TENM3: variants seen among roughly 807,000 people sequenced by gnomAD.
The protein encoded by TENM3 is teneurin-3.
In TENM3, 63 loss-of-function variants were observed where a neutral mutation model predicts 255.1. That is an observed-to-expected ratio of 0.25 (90% CI 0.20 to 0.30). TENM3 has a LOEUF of 0.30. Among genes scored for constraint, TENM3 ranks in the 10% least tolerant of loss-of-function variants. The pLI, the probability that TENM3 is intolerant of heterozygous loss-of-function variation, is 1.00. For synonymous variants in TENM3, 1,306 were observed against 1,322.3 expected (o/e 0.99, Z 0.27); for missense variants, 2,929 against 3,461.1 (o/e 0.85, Z 3.86).
the TENM3 span, among the ~76,000 whole-genome samples, chr4:182,028,304 C>T: frequency 3.3e-5 from 5 of 152,076 alleles, no homozygotes; most frequent in Admixed American, 2.6e-4. Context: ...TCTGTGAAAT[C>T]AGTTGTAATG....
intron 1 of TENM3, among the ~76,000 whole-genome samples, chr4:182,167,097 A>G (rs190041194): frequency 1.3e-5 from 2 of 152,340 alleles, no homozygotes; most frequent in African/African-American, 4.8e-5. Context: ...CTTCAAGTGC[A>G]GTATTTATGT....
At chr4:181,787,712 A>G in the TENM3 span, among the ~76,000 whole-genome samples, 1 of 152,066 alleles carries the variant, frequency 6.6e-6, no homozygotes, top group African/African-American at 2.4e-5. Flanking sequence ...CCAATTGCAA[A>G]TTAAAGACTC....
chr4:182,527,472 G>A (rs926334163), intron 3 of TENM3, among the ~76,000 whole-genome samples: 1 of 138,298 alleles, frequency 7.2e-6, no homozygotes, highest in Non-Finnish European at 1.6e-5. Flanking sequence ...TAGATTAAGG[G>A]GAACTATTAT....
At chr4:181,507,901 T>G in the TENM3 span, among the ~76,000 whole-genome samples, 1 of 152,236 alleles carries the variant, frequency 6.6e-6, no homozygotes, top group Non-Finnish European at 1.5e-5. Flanking sequence ...CTTTCATTAT[T>G]GACTCATGCC....
the TENM3 span, among the ~76,000 whole-genome samples, chr4:181,604,183 T>G: frequency 6.6e-6 from 1 of 152,008 alleles, no homozygotes; most frequent in Non-Finnish European, 1.5e-5. Flanking sequence ...GAGAATGGCG[T>G]GAACCCGGGA....
the TENM3 span, among the ~76,000 whole-genome samples, chr4:181,603,891 G>C: frequency 1.3e-5 from 2 of 152,222 alleles, no homozygotes; most frequent in African/African-American, 2.4e-5. Context: ...ATTGTGGATA[G>C]AGCTTTGAGT....
At chr4:181,964,181 A>G in the TENM3 span, among the ~76,000 whole-genome samples, 2 of 152,024 alleles carry the variant, frequency 1.3e-5, no homozygotes, top group Admixed American at 6.6e-5. Flanking sequence ...GGTTTCAGAA[A>G]TTAGAAGTAT....
chr4:182,384,519 A>G (rs1348386398), intron 3 of TENM3, among the ~76,000 whole-genome samples: 3 of 152,218 alleles, frequency 2.0e-5, no homozygotes, highest in Non-Finnish European at 2.9e-5. Flanking sequence ...AAGCTGGAAA[A>G]TAAGTGGAAT....
chr4:182,650,889 A>AAAAAATATAT (rs1281790163), intron 5 of TENM3, among the ~76,000 whole-genome samples: 4 of 29,762 alleles, frequency 1.3e-4, no homozygotes, highest in Non-Finnish European at 2.3e-4. Context: ...AATAAAAAAA[A>AAAAAATATAT]ATATATATAT....
At chr4:182,500,511 T>C (rs1170740153) in intron 3 of TENM3, among the ~76,000 whole-genome samples, 1 of 152,174 alleles carries the variant, frequency 6.6e-6, no homozygotes, top group African/African-American at 2.4e-5. Flanking sequence ...ATGCTTCTGA[T>C]GGGATTTGTT....
the TENM3 span, among the ~76,000 whole-genome samples, chr4:181,647,439 A>C: frequency 2.0e-5 from 3 of 152,232 alleles, no homozygotes; most frequent in East Asian, 5.8e-4. Flanking sequence ...TATGTAGAGT[A>C]ATATTAGACC....
chr4:182,613,115 T>G (rs1489578932), intron 4 of TENM3, among the ~76,000 whole-genome samples: 1 of 152,196 alleles, frequency 6.6e-6, no homozygotes, highest in Non-Finnish European at 1.5e-5. Flanking sequence ...CCATCAATAA[T>G]TAAATGAATT....
intron 3 of TENM3, among the ~76,000 whole-genome samples, chr4:182,596,676 A>G (rs1264146729): frequency 6.6e-5 from 10 of 152,220 alleles, no homozygotes; most frequent in Non-Finnish European, 1.5e-5. Flanking sequence ...CGAAGAGGAC[A>G]CACGAGGGAG....
the TENM3 span, among the ~76,000 whole-genome samples, chr4:181,752,777 C>T: frequency 2.0e-5 from 3 of 148,152 alleles, no homozygotes; most frequent in Non-Finnish European, 4.5e-5. Context: ...TTTTTGTTTC[C>T]GAAATAGAAA....
the TENM3 span, among the ~76,000 whole-genome samples, chr4:181,825,916 C>T: frequency 2.0e-4 from 30 of 152,138 alleles, no homozygotes; most frequent in African/African-American, 6.5e-4. Flanking sequence ...ATATCTGCAT[C>T]GTCACATTTC....
At chr4:181,685,523 T>C in the TENM3 span, among the ~76,000 whole-genome samples, 5 of 152,298 alleles carry the variant, frequency 3.3e-5, no homozygotes, top group Admixed American at 6.5e-5. Flanking sequence ...TACAATTTTA[T>C]AAGAATTTTT....
At chr4:181,642,699 G>T in the TENM3 span, among the ~76,000 whole-genome samples, 1 of 152,054 alleles carries the variant, frequency 6.6e-6, no homozygotes, top group Admixed American at 6.6e-5. Flanking sequence ...TAAGGAAGGG[G>T]TCCAGTTTCA....
At chr4:182,668,913 T>G (rs1367508105) in intron 6 of TENM3, among the ~76,000 whole-genome samples, 3 of 152,222 alleles carry the variant, frequency 2.0e-5, no homozygotes, top group Non-Finnish European at 4.4e-5. Context: ...TGTTTACCAG[T>G]TCTCAAAGCA....
the TENM3 span, among the ~76,000 whole-genome samples, chr4:181,476,408 T>G: frequency 6.6e-6 from 1 of 152,100 alleles, no homozygotes; most frequent in East Asian, 1.9e-4. Flanking sequence ...ACCAGTCAGT[T>G]ATGGACGTGC....
Sources: allele counts gnomAD v4.1 joint callset (sites outside exome capture counted in the v4.1 genomes callset), GRCh38; gene constraint gnomAD v4.1.1; transcripts MANE v1.5; gene names NCBI Gene and HGNC (gene_info 2026-07-23, HGNC 2026-07-21).